The following KIF13B variants were observed in gnomAD, a reference collection of about 807,000 sequenced individuals.
The protein encoded by KIF13B is kinesin-like protein KIF13B.
In KIF13B, 127 loss-of-function variants were observed where a neutral mutation model predicts 222.0. The observed-to-expected ratio is 0.57, with a 90% CI of 0.50 to 0.66. The LOEUF is 0.66. Among genes scored for constraint, KIF13B ranks in the 30% least tolerant of loss-of-function variants. The pLI, the probability that KIF13B is intolerant of heterozygous loss-of-function variation, is 0.00. For synonymous variants in KIF13B, 976 were observed against 919.0 expected, an observed-to-expected ratio of 1.06 and a Z score of -1.12; for missense variants, 2,173 against 2,379.0, an observed-to-expected ratio of 0.91 and a Z score of 1.80.
chr8:29,075,340 C>A lies in KIF13B; in HGVS notation c.4462G>T (p.Val1488Leu). Reference protein sequence around the residue: ...KRPSPLAHQPVPRIMVQSASP... With the variant: ...KRPSPLAHQPLPRIMVQSASP... ...GCTGACTGCACCATGATGCGGGGCA[C>A]GGGCTGAGGAGGCAAGTGTGCAGGT... Residue 1488 changes from valine to leucine, a missense_variant, in exon 38 of 40, where the codon GTG becomes TTG. Physicochemically the swap from Val to Leu is conservative, Grantham distance 32. Coordinates refer to ENST00000524189, the MANE Select transcript of KIF13B (RefSeq NM_015254.4). 1 of 1,557,870 alleles carries A rather than the reference C, an allele frequency of 6.4e-7. No individual in the cohort carries two copies. Among genetic ancestry groups the A allele is most frequent in the Non-Finnish European group, 8.7e-7 (1 of 1,150,384 alleles).
intron 2 of KIF13B, among the ~76,000 whole-genome samples, chr8:29,205,758 T>G (rs1158000096): frequency 4.0e-5 from 6 of 151,896 alleles, no homozygotes; most frequent in African/African-American, 1.5e-4. Context: ...AGGTCTAGAG[T>G]TTAGATCTAA....
At chr8:29,161,986 C>T (rs950082769) in intron 12 of KIF13B, among the ~76,000 whole-genome samples, 49 of 152,292 alleles carry the variant, frequency 3.2e-4, no homozygotes, top group African/African-American at 1.0e-3. Context: ...TTTGCATATG[C>T]ACTCAAGCGT....
chr8:29,256,693 A>T (rs923250445), intron 1 of KIF13B, among the ~76,000 whole-genome samples: 1 of 152,148 alleles, frequency 6.6e-6, no homozygotes, highest in Admixed American at 6.5e-5. Context: ...TAATTCTGGG[A>T]ATGTTAATTA....
In KIF13B at chr8:29,086,947, G is replaced by A. The variant is rs548569411; in HGVS notation, c.4458+5798C>T. Among the ~76,000 whole-genome samples the A allele has an allele frequency of 1.9e-3, 283 of 152,346 alleles. 2 individuals are homozygous for A. The highest frequency in any genetic ancestry group is 6.6e-3 in the African/African-American group (273 of 41,578). ...TAAAGCACAAGACTCAAAACAGAGA[G>A]GAAAGTTCCGGGTACTTGTGTATTT... On this transcript the variant is annotated intron_variant, in intron 37 of 39. Coordinates refer to ENST00000524189, the MANE Select transcript of KIF13B (RefSeq NM_015254.4).
intron 2 of KIF13B, among the ~76,000 whole-genome samples, chr8:29,244,878 A>C (rs1000737714): frequency 6.6e-6 from 1 of 152,164 alleles, no homozygotes; most frequent in African/African-American, 2.4e-5. Context: ...ACAATCTATA[A>C]TCATTAAATT....
At chr8:29,125,517 T>C (rs1810069377) in intron 26 of KIF13B, among the ~76,000 whole-genome samples, 1 of 152,216 alleles carries the variant, frequency 6.6e-6, no homozygotes, top group South Asian at 2.1e-4. Flanking sequence ...GTCTCTATTG[T>C]TGTGCCATAG....
chr8:29,139,961 A>G, intron 21 of KIF13B, 102 bp downstream of exon 21: 1 of 1,024,728 alleles, frequency 9.8e-7, no homozygotes, highest in Non-Finnish European at 1.4e-6. Context: ...ATCAGCTATT[A>G]GGTTGGTGCA....
intron 3 of KIF13B, among the ~76,000 whole-genome samples, chr8:29,193,866 G>A (rs1270501351): frequency 6.6e-6 from 1 of 152,154 alleles, no homozygotes; most frequent in African/African-American, 2.4e-5. Context: ...CGCCCAGGCT[G>A]GAGTGCAGTG....
intron 37 of KIF13B, among the ~76,000 whole-genome samples, chr8:29,082,622 G>C (rs923875117): frequency 5.3e-5 from 8 of 151,952 alleles, no homozygotes; most frequent in African/African-American, 1.9e-4. Flanking sequence ...CTGGGCAACA[G>C]AGCAAGACCT....
chr8:29,169,505 A>C (rs1041039535), intron 10 of KIF13B, among the ~76,000 whole-genome samples: 1 of 152,250 alleles, frequency 6.6e-6, no homozygotes, highest in Non-Finnish European at 1.5e-5. Context: ...AATGATTCCT[A>C]AGGTGTTACT....
chr8:29,146,098 C>A (rs1015141349), intron 18 of KIF13B: 8 of 574,498 alleles, frequency 1.4e-5, no homozygotes, highest in Non-Finnish European at 2.5e-5. Context: ...GAAAAGACTT[C>A]TAAGAAAGAA....
Position 29,130,655 on chromosome 8 carries a change from C to T in KIF13B, c.2953G>A (p.Val985Met). The change falls in exon 24 of 40, where the codon GTG becomes ATG. Residue 985 changes from valine (V) to methionine (M), a missense_variant. Val to Met is a conservative substitution (Grantham distance 21, BLOSUM62 1). Coordinates refer to ENST00000524189, the MANE Select transcript of KIF13B (RefSeq NM_015254.4). ...TRSLRDRWSE[V>M]TRKLEFWVQI... ...ACCCAGAATTCCAATTTCCTGGTCACTTCACTCCATCTAGGAAATAAGCGA... is the reference window on the plus strand; with the variant it reads ...ACCCAGAATTCCAATTTCCTGGTCATTTCACTCCATCTAGGAAATAAGCGA... 1 of 1,613,834 alleles carries T rather than the reference C, an allele frequency of 6.2e-7. No individual in the cohort carries two copies. The highest frequency in any genetic ancestry group is 1.1e-5 in the South Asian group (1 of 91,082).
At chr8:29,113,644 T>C in intron 31 of KIF13B, 89 bp from the exon 32 acceptor site, 1 of 774,130 alleles carries the variant, frequency 1.3e-6, no homozygotes, top group Non-Finnish European at 2.2e-6. Context: ...TACTGGTTCA[T>C]TCTAACCAAA....
At chr8:29,254,808 A>C (rs1361707736) in intron 1 of KIF13B, among the ~76,000 whole-genome samples, 1 of 152,274 alleles carries the variant, frequency 6.6e-6, no homozygotes, top group Non-Finnish European at 1.5e-5. Context: ...GAGAAAAATG[A>C]AAACACATGT....
intron 1 of KIF13B, among the ~76,000 whole-genome samples, chr8:29,257,895 C>T (rs1816545305): frequency 6.6e-6 from 1 of 152,076 alleles, no homozygotes; most frequent in Non-Finnish European, 1.5e-5. Context: ...AAAAGTATAC[C>T]TTCTTCTCAA....
At chr8:29,138,349 T>C (rs1012798263) in intron 21 of KIF13B, among the ~76,000 whole-genome samples, 2 of 151,996 alleles carry the variant, frequency 1.3e-5, no homozygotes, top group Admixed American at 1.3e-4. Context: ...ATAAAATAAA[T>C]AAATAAAAAT....
chr8:29,263,371 C>G (rs570792164), upstream of KIF13B, among the ~76,000 whole-genome samples: 7 of 152,348 alleles, frequency 4.6e-5, no homozygotes, highest in South Asian at 1.4e-3. Context: ...GAGCTGATAC[C>G]TCTTCTGAAA....
intron 35 of KIF13B, among the ~76,000 whole-genome samples, chr8:29,104,906 G>A (rs1436456539): frequency 6.6e-5 from 10 of 151,516 alleles, no homozygotes; most frequent in South Asian, 2.1e-4. Context: ...CACCTCGCCC[G>A]GCTAATTTTC....
At chr8:29,159,857 A>G (rs753161197) in intron 13 of KIF13B, among the ~76,000 whole-genome samples, 16 of 152,222 alleles carry the variant, frequency 1.1e-4, no homozygotes, top group Admixed American at 1.3e-4. Context: ...CTGACCCAGG[A>G]TCTCTCCAGG....
Sources: allele counts gnomAD v4.1 joint callset (sites outside exome capture counted in the v4.1 genomes callset), GRCh38; gene constraint gnomAD v4.1.1; transcripts MANE v1.5; gene names NCBI Gene and HGNC (gene_info 2026-07-23, HGNC 2026-07-21).